PHTF2: variants seen among roughly 807,000 people sequenced by gnomAD.
PHTF2 encodes the protein protein PHTF2.
Under a neutral mutation model 101.2 loss-of-function variants are expected in PHTF2, and 60 were observed. That is an observed-to-expected ratio of 0.59 (90% confidence interval 0.48 to 0.73). PHTF2 has a LOEUF of 0.73. Among genes scored for constraint, PHTF2 ranks in the 30% least tolerant of loss-of-function variants. The pLI is 0.00. For synonymous variants in PHTF2, 311 were observed against 307.3 expected (o/e 1.01, Z -0.13); for missense variants, 747 against 908.7 (o/e 0.82, Z 2.29).
chr7:77,815,956 G>A (rs906808651), intron 1 of PHTF2, among the ~76,000 whole-genome samples: 3 of 151,986 alleles, frequency 2.0e-5, no homozygotes, highest in Non-Finnish European at 4.4e-5. Flanking sequence ...TCTCATGTAT[G>A]TATGCGTTTG....
At chr7:77,945,069 GTGGCCC>G (rs1168571527) in intron 16 of PHTF2, among the ~76,000 whole-genome samples, 1 of 152,234 alleles carries the variant, frequency 6.6e-6, no homozygotes, top group African/African-American at 2.4e-5. Context: ...GCTGGGTGTG[GTGGCCC>G]ACGCCTGTAA....
chr7:77,799,665 TTCGAGTCA>T (rs761875216), intron 1 of PHTF2, among the ~76,000 whole-genome samples: 2 of 152,240 alleles, frequency 1.3e-5, no homozygotes, highest in African/African-American at 2.4e-5. Flanking sequence ...GGTATTGTCC[TTCGAGTCA>T]TGGCTTTCTA....
chr7:77,950,718 T>G (rs1032108730), intron 17 of PHTF2, among the ~76,000 whole-genome samples: 1 of 152,232 alleles, frequency 6.6e-6, no homozygotes, highest in Non-Finnish European at 1.5e-5. Flanking sequence ...CAACTCGCTC[T>G]GAGGCTAATG....
chr7:77,849,399 AG>A (rs1216980402), intron 2 of PHTF2, among the ~76,000 whole-genome samples: 1 of 151,944 alleles, frequency 6.6e-6, no homozygotes, highest in Non-Finnish European at 1.5e-5. Context: ...CGGCCTCCTA[AG>A]TTGCTAGGAT....
At chr7:77,828,630 G>A (rs988231570) in intron 1 of PHTF2, among the ~76,000 whole-genome samples, 13 of 152,012 alleles carry the variant, frequency 8.6e-5, no homozygotes, top group Admixed American at 3.9e-4. Context: ...GGCCAACATG[G>A]TGAAACCCTA....
chr7:77,821,947 G>A (rs1794327158), intron 1 of PHTF2, among the ~76,000 whole-genome samples: 1 of 152,200 alleles, frequency 6.6e-6, no homozygotes. Flanking sequence ...CTTAGACCTT[G>A]ATTGCAGGTG....
At chr7:77,837,669 A>G (rs551825540) in intron 1 of PHTF2, among the ~76,000 whole-genome samples, 5 of 152,318 alleles carry the variant, frequency 3.3e-5, no homozygotes, top group Non-Finnish European at 5.9e-5. Flanking sequence ...CACTTTATAT[A>G]ACTAGAATAC....
chr7:77,799,962 GT>G, intron 1 of PHTF2, among the ~76,000 whole-genome samples: 1 of 152,038 alleles, frequency 6.6e-6, no homozygotes, highest in African/African-American at 2.4e-5. Flanking sequence ...TAATCTTAAG[GT>G]TTTTGGTTAG....
At chr7:77,825,434 G>A (rs1036413420) in intron 1 of PHTF2, among the ~76,000 whole-genome samples, 5 of 152,122 alleles carry the variant, frequency 3.3e-5, no homozygotes, top group South Asian at 2.1e-4. Flanking sequence ...ACATACCAGC[G>A]CTGAGCCTCA....
intron 1 of PHTF2, among the ~76,000 whole-genome samples, chr7:77,839,727 C>T (rs1795724664): frequency 6.6e-6 from 1 of 151,992 alleles, no homozygotes; most frequent in East Asian, 1.9e-4. Flanking sequence ...AACATAAATA[C>T]TTTTTGGCTC....
chr7:77,828,373 C>A (rs910730292), intron 1 of PHTF2, among the ~76,000 whole-genome samples: 1 of 152,128 alleles, frequency 6.6e-6, no homozygotes, highest in Non-Finnish European at 1.5e-5. Flanking sequence ...TAAATTAATT[C>A]ATCTGTGGTG....
At chr7:77,907,681 C>T (rs1801995994) in intron 7 of PHTF2, among the ~76,000 whole-genome samples, 1 of 152,234 alleles carries the variant, frequency 6.6e-6, no homozygotes, top group East Asian at 1.9e-4. Flanking sequence ...CAATGATTAA[C>T]GTTTTGGGAT....
At chr7:77,859,727 A>G (rs1207407040) in intron 3 of PHTF2, among the ~76,000 whole-genome samples, 5 of 151,822 alleles carry the variant, frequency 3.3e-5, no homozygotes, top group African/African-American at 1.2e-4. Flanking sequence ...GCACTAACAC[A>G]CCTGGCTAAT....
chr7:77,851,404 T>C (rs975803294), intron 2 of PHTF2, among the ~76,000 whole-genome samples: 2 of 152,300 alleles, frequency 1.3e-5, no homozygotes, highest in Middle Eastern at 3.4e-3. Context: ...TAGTTGCTCA[T>C]AGCAGTCTCT....
Position 77,938,207 on chromosome 7 carries a change from G to T in PHTF2, c.1467+369G>T, listed in dbSNP as rs920056815. On this transcript the variant is annotated intron_variant, in intron 13 of 19. Coordinates refer to ENST00000416283, the Ensembl canonical transcript of PHTF2. ...TTAAAAATAAAAAAATAATTAAAAA[G>T]ACTTATTTTTCTGTATCATTCTTAC... Among the ~76,000 whole-genome samples, 14 of 152,140 alleles carry T rather than the reference G, an allele frequency of 9.2e-5. No homozygotes were observed. The Middle Eastern group carries it at 0.01, about 111-fold the overall frequency.
At chr7:77,912,710 CTTTTTTTTTTTTTTTTTTTTT>C (rs536966733) in intron 9 of PHTF2, among the ~76,000 whole-genome samples, 71 of 80,462 alleles carry the variant, frequency 8.8e-4, no homozygotes, top group South Asian at 2.8e-3. Flanking sequence ...AGAGAACCAC[CTTTTTTTTTTTTTTTTTTTTT>C]TTTTTTTTTT....
intron 3 of PHTF2, among the ~76,000 whole-genome samples, chr7:77,893,312 G>A (rs1452191208): frequency 1.3e-5 from 2 of 151,868 alleles, no homozygotes; most frequent in Non-Finnish European, 2.9e-5. Flanking sequence ...TGTTCAAGAG[G>A]GATTTTTAAA....
chr7:77,886,640 A>G (rs952188166), intron 3 of PHTF2, among the ~76,000 whole-genome samples: 1 of 152,196 alleles, frequency 6.6e-6, no homozygotes, highest in African/African-American at 2.4e-5. Flanking sequence ...TATGGAATAT[A>G]TTAGTTTCTA....
In PHTF2 at chr7:77,837,825, C is replaced by T. The variant is rs1304854778; in HGVS notation, c.-35-2396C>T. On this transcript the variant is annotated intron_variant, in intron 1 of 19. Transcript: ENST00000416283. Reference sequence around the variant, plus strand: ...AAAAATACTATTATTTATATGTGAACATTTAAATATTCCCTAAATATATTA... The same window carrying T: ...AAAAATACTATTATTTATATGTGAATATTTAAATATTCCCTAAATATATTA... Among the ~76,000 whole-genome samples, 3 of 152,094 alleles carry T rather than the reference C, an allele frequency of 2.0e-5. No individual in the cohort carries two copies. The East Asian group carries it at 5.8e-4, about 29-fold the overall frequency.
Sources: allele counts gnomAD v4.1 joint callset (sites outside exome capture counted in the v4.1 genomes callset), GRCh38; gene constraint gnomAD v4.1.1; transcripts MANE v1.5; gene names NCBI Gene and HGNC (gene_info 2026-07-23, HGNC 2026-07-21).